The following POLE variants were observed in gnomAD, a reference collection of about 807,000 sequenced individuals.
The protein encoded by POLE is DNA polymerase epsilon catalytic subunit A.
POLE carries 188 observed loss-of-function variants against 279.2 expected under a neutral mutation model. That is an observed-to-expected ratio of 0.67 (90% CI 0.60 to 0.76). POLE has a LOEUF of 0.76. Ranked by LOEUF, POLE falls within the 30% of genes least tolerant of loss-of-function variation. POLE has a pLI of 0.00. For missense variants in POLE, 2,703 were observed against 3,016.7 expected, an observed-to-expected ratio of 0.90 and a Z score of 2.44; for synonymous variants, 1,214 against 1,172.5, an observed-to-expected ratio of 1.04 and a Z score of -0.72.
At chr12:132,635,048 C>T (rs530465210) in intron 42 of POLE, among the ~76,000 whole-genome samples, 58 of 152,206 alleles carry the variant, frequency 3.8e-4, no homozygotes, top group Non-Finnish European at 7.6e-4. Flanking sequence ...ATCTGAGCCC[C>T]TGGCTCTGGT....
At chr12:132,683,043 C>G (rs1427913352) in intron 1 of POLE, among the ~76,000 whole-genome samples, 1 of 152,088 alleles carries the variant, frequency 6.6e-6, no homozygotes, top group Non-Finnish European at 1.5e-5. Context: ...ACCTTCAACT[C>G]AAGAGCAGAA....
intron 16 of POLE, among the ~76,000 whole-genome samples, chr12:132,671,921 T>C (rs1052502114): frequency 2.0e-5 from 3 of 152,162 alleles, no homozygotes; most frequent in African/African-American, 7.2e-5. Context: ...CCCCAGTGCC[T>C]ATAAAATAAA....
At chr12:132,626,685 C>T (rs563586047) in intron 45 of POLE, among the ~76,000 whole-genome samples, 18 of 151,874 alleles carry the variant, frequency 1.2e-4, no homozygotes, top group East Asian at 7.7e-4. Flanking sequence ...CACAAAAATG[C>T]GCAACGAGAT....
intron 1 of POLE, among the ~76,000 whole-genome samples, chr12:132,685,527 G>A (rs1043049880): frequency 2.0e-5 from 3 of 152,240 alleles, no homozygotes; most frequent in African/African-American, 7.2e-5. Flanking sequence ...ATGAGATGAG[G>A]TAACCCACAT....
chr12:132,657,132 T>A lies in POLE; in HGVS notation c.3582+4A>T. ...CCAGCCCAGCCTTGGGGCCCCACCG[T>A]CACCTGTCTCCTGCCCTCCAGGGTG... On this transcript the variant is annotated splice_donor_region_variant and intron_variant, in intron 29 of 48. Coordinates refer to ENST00000320574, the MANE Select transcript of POLE (RefSeq NM_006231.4). 1 of 1,613,916 alleles carries A rather than the reference T, an allele frequency of 6.2e-7. No individual in the cohort carries two copies. The highest frequency in any genetic ancestry group is 8.5e-7 in the Non-Finnish European group (1 of 1,179,958).
intron 31 of POLE, 28 bp downstream of exon 31, chr12:132,649,278 T>A (rs1248030494): frequency 6.2e-7 from 1 of 1,603,806 alleles, no homozygotes; most frequent in South Asian, 1.1e-5. Flanking sequence ...GCAGAGCCAC[T>A]GCCCTCCCCT....
chr12:132,666,788 T>C (rs1037556000), intron 20 of POLE, among the ~76,000 whole-genome samples: 19 of 152,290 alleles, frequency 1.2e-4, no homozygotes, highest in Middle Eastern at 3.4e-3. Flanking sequence ...TGGAGGTAGA[T>C]GGTGGTGATA....
chr12:132,642,040 C>T (rs565376267), intron 38 of POLE, 137 bp downstream of exon 38: 27 of 950,312 alleles, frequency 2.8e-5, no homozygotes, highest in African/African-American at 2.6e-4. Context: ...GACCCCAGGA[C>T]CGTCTCCTGC....
rs1184237494 is a variant in POLE at position 132,664,616 on chromosome 12, T to C, written c.2469-154A>G. ...GCACCAGGACAGAACTAAGGTGGAA[T>C]CTGGCTCTGCCCGAGGACACCTCTC... On this transcript the variant is annotated intron_variant, in intron 21 of 48. Coordinates refer to ENST00000320574, the MANE Select transcript of POLE (RefSeq NM_006231.4). This position sits in a 1 kb window ranked among gnomAD's most constrained non-coding sequence, Gnocchi z 5.3. Among the ~76,000 whole-genome samples, 1 of 152,184 alleles carries C rather than the reference T, an allele frequency of 6.6e-6. No individual in the cohort carries two copies. The highest frequency in any genetic ancestry group is 1.5e-5 in the Non-Finnish European group (1 of 68,048).
At chr12:132,631,933 T>G (rs1424052105) in intron 45 of POLE, among the ~76,000 whole-genome samples, 1 of 152,186 alleles carries the variant, frequency 6.6e-6, no homozygotes, top group Non-Finnish European at 1.5e-5. Context: ...TCGGGTCGGC[T>G]GGCAGCAGAC....
rs769637348 is a variant in POLE at position 132,634,228 on chromosome 12, G to A, written c.5962C>T (p.Gln1988Ter). 1 of 1,614,120 alleles carries A rather than the reference G, an allele frequency of 6.2e-7. No individual in the cohort carries two copies. Among genetic ancestry groups the A allele is most frequent in the Non-Finnish European group, 8.5e-7 (1 of 1,179,958 alleles). Reference protein sequence around the residue: ...NNWNILQFLPQAASCQNYFLM... With the variant: ...NNWNILQFLP ...AAGTAGTTCTGGCAGGAGGCTGCCTGTGGCAAAAACTGCAAAATGTTCCAG... is the reference window on the plus strand; with the variant it reads ...AAGTAGTTCTGGCAGGAGGCTGCCTATGGCAAAAACTGCAAAATGTTCCAG... Residue 1988 changes from glutamine (Q) to a stop codon, truncating the protein, a stop_gained, in exon 43 of 49, where the codon CAG (glutamine) becomes TAG (stop). Transcript: ENST00000320574. LOFTEE classifies it high-confidence loss of function. This position sits in a 1 kb window ranked among gnomAD's most constrained non-coding sequence, Gnocchi z 4.0.
rs2042182026 is a variant in POLE at position 132,642,865 on chromosome 12, C to T, written c.4683G>A (p.Leu1561=). 6.2e-7 allele frequency: 1 copy of T among 1,614,042 alleles called. No homozygotes were observed. Among genetic ancestry groups the T allele is most frequent in the Non-Finnish European group, 8.5e-7 (1 of 1,179,974 alleles). The change falls in exon 36 of 49, where the codon CTG becomes CTA. Residue 1561 remains leucine, a synonymous_variant. Coordinates refer to ENST00000320574, the MANE Select transcript of POLE (RefSeq NM_006231.4). ...GCTGGATGGCTCTGCAGATGGTCTTCAGGTCAGTTTCTGCCCGAACTTCGA... is the reference window on the plus strand; with the variant it reads ...GCTGGATGGCTCTGCAGATGGTCTTTAGGTCAGTTTCTGCCCGAACTTCGA... ...HTFEVRAETD[L]KTICRAIQRF... is the part of the protein sequence containing the mutation.
At chr12:132,627,281 C>CAA (rs879770426) in intron 45 of POLE, among the ~76,000 whole-genome samples, 10 of 131,814 alleles carry the variant, frequency 7.6e-5, no homozygotes, top group African/African-American at 2.2e-4. Flanking sequence ...GACTCCATCT[C>CAA]AAAAAAAAAA....
chr12:132,631,537 G>A (rs898918991), intron 45 of POLE, among the ~76,000 whole-genome samples: 4 of 152,304 alleles, frequency 2.6e-5, no homozygotes, highest in South Asian at 2.1e-4. Flanking sequence ...GATCTCCAGC[G>A]TAACCTTAGC....
intron 1 of POLE, 34 bp from the exon 2 acceptor site, chr12:132,681,313 G>C (rs2043163394): frequency 5.6e-6 from 9 of 1,599,994 alleles, no homozygotes; most frequent in Non-Finnish European, 7.7e-6. Flanking sequence ...TGCTTAATTT[G>C]TAATGCCACC....
At chr12:132,638,851 A>T in intron 40 of POLE, 2 of 429,094 alleles carry the variant, frequency 4.7e-6, no homozygotes, top group South Asian at 6.9e-5. Flanking sequence ...TCACTAAAAC[A>T]ACAAGGCACA....
Position 132,624,513 on chromosome 12 carries a change from C to T in POLE, c.*184G>A, listed in dbSNP as rs2041789874. The T allele has an allele frequency of 1.6e-6, 1 of 609,678 alleles. No individual in the cohort carries two copies. Among genetic ancestry groups the T allele is most frequent in the Non-Finnish European group, 2.9e-6 (1 of 340,760 alleles). 37.8% of individuals were successfully genotyped at this position (609,678 alleles called of 1,614,324 possible). On this transcript the variant is annotated 3_prime_UTR_variant, in exon 49 of 49. Coordinates refer to ENST00000320574, the MANE Select transcript of POLE (RefSeq NM_006231.4). ...GCCAGGGCCACATCCTGCTCCCGCTCCCTCCTGTGACGTCTGAGCTCCCTG... is the reference window on the plus strand; with the variant it reads ...GCCAGGGCCACATCCTGCTCCCGCTTCCTCCTGTGACGTCTGAGCTCCCTG...
intron 23 of POLE, among the ~76,000 whole-genome samples, chr12:132,662,756 GC>G (rs1377688941): frequency 6.6e-6 from 1 of 152,184 alleles, no homozygotes; most frequent in Admixed American, 6.5e-5. Flanking sequence ...CCAGAAGAGG[GC>G]GTGTCCCAAG....
At chr12:132,650,144 G>A (rs1565947207) in intron 29 of POLE, 1 of 489,618 alleles carries the variant, frequency 2.0e-6, no homozygotes, top group Non-Finnish European at 3.7e-6. Flanking sequence ...AGGAGTTGGA[G>A]GCTGCGGCGA....
Sources: allele counts gnomAD v4.1 joint callset (sites outside exome capture counted in the v4.1 genomes callset), GRCh38; gene constraint gnomAD v4.1.1; non-coding constraint Gnocchi (gnomAD v3.1); transcripts MANE v1.5; gene names NCBI Gene and HGNC (gene_info 2026-07-23, HGNC 2026-07-21).